Variants in IFT122 observed in about 807,000 individuals in gnomAD.
The protein encoded by IFT122 is intraflagellar transport 122.
IFT122 carries 118 observed loss-of-function variants against 161.6 expected under a neutral mutation model. The observed-to-expected ratio is 0.73, with a 90% CI of 0.63 to 0.85. IFT122 has a LOEUF of 0.85. Among genes scored for constraint, IFT122 ranks in the 40% least tolerant of loss-of-function variants. IFT122 has a pLI of 0.00. For missense variants in IFT122, 1,381 were observed against 1,579.6 expected (o/e 0.87, Z 2.13); for synonymous variants, 550 against 602.4 (o/e 0.91, Z 1.27).
intron 5 of IFT122, among the ~76,000 whole-genome samples, chr3:129,462,037 G>A (rs55904629): frequency 0.091 from 13,803 of 152,214 alleles, 692 homozygotes; most frequent in South Asian, 0.13. Flanking sequence ...CCCTCTCAGT[G>A]TTCCAGTTCC....
intron 1 of IFT122, among the ~76,000 whole-genome samples, chr3:129,446,560 T>A (rs1333058644): frequency 6.6e-6 from 1 of 152,182 alleles, no homozygotes; most frequent in African/African-American, 2.4e-5. Flanking sequence ...AGAAAAATTT[T>A]AAATCAACCT....
chr3:129,477,927 G>A, intron 11 of IFT122, 89 bp from the exon 12 acceptor site: 1 of 1,065,326 alleles, frequency 9.4e-7, no homozygotes, highest in Non-Finnish European at 1.4e-6. Flanking sequence ...ATTGCCAGTA[G>A]CGCTAAGTAA....
rs141632773 is a variant in IFT122, at chr3:129,483,652, C to A, written c.1821C>A (p.Val607=). 3.0e-5 allele frequency: 48 copies of A among 1,609,360 alleles called. No individual in the cohort carries two copies. In the African/African-American group the frequency reaches 5.3e-4, roughly 18 times the overall value. The change falls in exon 15 of 30, where the codon GTC becomes GTA. Residue 607 remains valine (V), a synonymous_variant. Transcript: ENST00000348417. ...GCTCCAAGATCTTCTGCCTCCATGT[C>A]TTCTCCATTTCTGCCGTGGAGGTGC... is the stretch of plus-strand genomic sequence containing the variant. ...YNGSKIFCLH[V]FSISAVEVPQ...
intron 7 of IFT122, 125 bp downstream of exon 7, chr3:129,464,906 TC>T: frequency 9.2e-7 from 1 of 1,089,934 alleles, no homozygotes; most frequent in Non-Finnish European, 1.4e-6. Flanking sequence ...TTAGAACCTG[TC>T]CCATTTGTAT....
intron 17 of IFT122, 46 bp downstream of exon 17, chr3:129,492,240 T>A: frequency 6.8e-7 from 1 of 1,480,248 alleles, no homozygotes; most frequent in Non-Finnish European, 9.4e-7. Context: ...ATACTTGGGG[T>A]TCCTGTTTTA....
At chr3:129,462,917 T>G (rs952983300) in intron 5 of IFT122, among the ~76,000 whole-genome samples, 2 of 152,082 alleles carry the variant, frequency 1.3e-5, no homozygotes, top group African/African-American at 2.4e-5. Context: ...AAAACTAGAT[T>G]TTCAGAAAGC....
At chr3:129,497,988 A>G (rs999951289) in intron 18 of IFT122, among the ~76,000 whole-genome samples, 5 of 152,260 alleles carry the variant, frequency 3.3e-5, no homozygotes, top group African/African-American at 7.2e-5. Flanking sequence ...CTTATGTAGT[A>G]TGTTCTTATC....
chr3:129,470,408 C>A (rs1042177637), intron 9 of IFT122, among the ~76,000 whole-genome samples: 2 of 152,092 alleles, frequency 1.3e-5, no homozygotes, highest in African/African-American at 4.8e-5. Context: ...GGACTACAGG[C>A]GCCCACCACC....
At chr3:129,514,199 T>G in intron 24 of IFT122, 190 bp from the exon 25 acceptor site, 1 of 712,562 alleles carries the variant, frequency 1.4e-6, no homozygotes. Context: ...TTTGGAAAAA[T>G]TCCTGGGCCT....
intron 24 of IFT122, 37 bp downstream of exon 24, chr3:129,512,449 G>T: frequency 7.1e-7 from 1 of 1,398,934 alleles, no homozygotes; most frequent in Non-Finnish European, 1.0e-6. Flanking sequence ...TCCCACCACC[G>T]TTCTTGTCTA....
intron 2 of IFT122, among the ~76,000 whole-genome samples, chr3:129,450,817 T>C (rs1432404237): frequency 2.7e-5 from 4 of 146,904 alleles, no homozygotes; most frequent in Admixed American, 6.9e-5. Context: ...ACCTCCCGGG[T>C]TCACACCATT....
chr3:129,460,886 ATCT>A lies in IFT122; in HGVS notation c.273-339_273-337del, dbSNP rs750678663. 4.1e-5 allele frequency: 66 copies of A among 1,613,950 alleles called. No homozygotes were observed. The highest frequency in any genetic ancestry group is 5.4e-5 in the Non-Finnish European group (64 of 1,179,980). On this transcript the variant is annotated intron_variant, in intron 4 of 29. Transcript: ENST00000348417. The stretch of plus-strand genomic sequence containing the variant: ...TCTGTGATGTCTTCATTGCACCTCC[ATCT>A]TCCATTTCTGGGCCTCCACAAAACA...
At chr3:129,457,201 G>A (rs867743699) in intron 3 of IFT122, among the ~76,000 whole-genome samples, 44 of 152,170 alleles carry the variant, frequency 2.9e-4, no homozygotes, top group Admixed American at 2.2e-3. Flanking sequence ...TATAAATGTG[G>A]AACAGTGTAA....
rs2082327179 is a variant in IFT122, at chr3:129,507,676, C to T, written c.2800C>T (p.Gln934Ter). 6.2e-7 allele frequency: 1 copy of T among 1,613,882 alleles called. No individual in the cohort carries two copies. Among genetic ancestry groups the T allele is most frequent in the African/African-American group, 1.3e-5 (1 of 74,936 alleles). The change falls in exon 23 of 30, where the codon CAG (glutamine) becomes TAG (stop). Residue 934 changes from glutamine to a stop codon, truncating the protein, a stop_gained. Coordinates refer to ENST00000348417, the MANE Select transcript of IFT122 (RefSeq NM_052989.3). LOFTEE classifies it high-confidence loss of function. ...QCLDIAQDPA[Q>*]KDTMLGKFYH... ...CCCGCTGCACACAGCAGATCCTGCC[C>T]AGAAGGACACAATGCTTGGCAAGTT...
chr3:129,519,321 G>T (rs2084445160), intron 28 of IFT122, 135 bp downstream of exon 28: 1 of 991,286 alleles, frequency 1.0e-6, no homozygotes, highest in Non-Finnish European at 1.6e-6. Context: ...CGAAGGAGGG[G>T]CAGGACCCCT....
chr3:129,479,159 G>T (rs1271347317), intron 12 of IFT122, among the ~76,000 whole-genome samples: 1 of 150,004 alleles, frequency 6.7e-6, no homozygotes, highest in Non-Finnish European at 1.5e-5. Context: ...AGTGGCTCAT[G>T]CCTGTAAATC....
chr3:129,510,522 G>A (rs2082704473), intron 23 of IFT122, among the ~76,000 whole-genome samples: 1 of 152,092 alleles, frequency 6.6e-6, no homozygotes, highest in South Asian at 2.1e-4. Context: ...ACCACAAAAG[G>A]AGCCCAGACT....
intron 23 of IFT122, among the ~76,000 whole-genome samples, chr3:129,510,784 G>A (rs957466361): frequency 1.2e-4 from 18 of 152,132 alleles, no homozygotes; most frequent in African/African-American, 3.6e-4. Context: ...TTATTAATTG[G>A]GCCATTCCTT....
At chr3:129,484,894 G>A (rs527565152) in intron 15 of IFT122, among the ~76,000 whole-genome samples, 3 of 152,296 alleles carry the variant, frequency 2.0e-5, no homozygotes, top group African/African-American at 7.2e-5. Context: ...CATAGCTCTA[G>A]AGTGATCTTC....
Sources: gnomAD v4.1 joint callset for allele counts (sites outside exome capture counted in the v4.1 genomes callset) on GRCh38, gnomAD v4.1.1 for gene constraint, MANE v1.5 for transcripts, NCBI Gene and HGNC (gene_info 2026-07-23, HGNC 2026-07-21) for gene names.